The following TRAPPC12 variants were observed in gnomAD, a reference collection of about 807,000 sequenced individuals.
The protein encoded by TRAPPC12 is trafficking protein particle complex subunit 12, also known as TPR repeat protein 15.
TRAPPC12 carries 61 observed loss-of-function variants against 69.2 expected under a neutral mutation model. The ratio of observed to expected loss-of-function variants is 0.88; its 90% confidence interval spans 0.72 to 1.09. The LOEUF (loss-of-function observed/expected upper bound fraction) is 1.09. TRAPPC12 is among the 50% of genes least tolerant of loss of function. The pLI, the probability that TRAPPC12 is intolerant of heterozygous loss-of-function variation, is 0.00. For synonymous variants in TRAPPC12, 469 were observed against 438.9 expected, an observed-to-expected ratio of 1.07 and a Z score of -0.86; for missense variants, 1,101 against 1,016.4, an observed-to-expected ratio of 1.08 and a Z score of -1.13.
chr2:3,464,752 G>A (rs73133019), intron 8 of TRAPPC12, among the ~76,000 whole-genome samples: 2,650 of 152,324 alleles, frequency 0.017, 66 homozygotes, highest in African/African-American at 0.06. Context: ...CTTCCTGCAC[G>A]GAGACCGCGT....
At chr2:3,409,557 C>T (rs68026847) in intron 3 of TRAPPC12, among the ~76,000 whole-genome samples, 10 of 151,664 alleles carry the variant, frequency 6.6e-5, no homozygotes, top group African/African-American at 2.2e-4. Context: ...AAGATCAGCC[C>T]GAGCAATATA....
At chr2:3,454,009 C>T (rs1273162876) in intron 6 of TRAPPC12, among the ~76,000 whole-genome samples, 2 of 152,212 alleles carry the variant, frequency 1.3e-5, no homozygotes, top group Non-Finnish European at 2.9e-5. Flanking sequence ...CATTAAATGA[C>T]ACACCCTACA....
At chr2:3,453,440 G>C (rs1664960316) in intron 6 of TRAPPC12, among the ~76,000 whole-genome samples, 1 of 152,186 alleles carries the variant, frequency 6.6e-6, no homozygotes, top group East Asian at 1.9e-4. Flanking sequence ...CCTGTGGCTG[G>C]TCGCTTACTG....
intron 4 of TRAPPC12, among the ~76,000 whole-genome samples, chr2:3,423,487 C>A (rs1662934479): frequency 6.6e-6 from 1 of 152,106 alleles, no homozygotes; most frequent in African/African-American, 2.4e-5. Context: ...ATCTCTCAAA[C>A]CTCCCCTGCC....
intron 9 of TRAPPC12, among the ~76,000 whole-genome samples, chr2:3,475,726 A>G (rs1666262899): frequency 6.6e-6 from 1 of 152,166 alleles, no homozygotes; most frequent in East Asian, 1.9e-4. Context: ...TGGGCGTTGG[A>G]CAGCCTGGGT....
rs115367661 is a variant in TRAPPC12 at position 3,443,980 on chromosome 2, G to A, written c.1530+89G>A. 5.4e-4 allele frequency: 522 copies of A among 966,238 alleles called. 3 individuals carry two copies. In the African/African-American group the frequency reaches 6.2e-3, roughly 11 times the overall value. The allele number at this position is 966,238 out of a possible 1,614,324, so 59.9% of individuals were successfully genotyped here. On this transcript the variant is annotated intron_variant, in intron 6 of 11. Transcript: ENST00000324266. ...GACATGCCCGTGCTGTTCCCTGCCCGTCCTGCCCCATGCACCATCGCTGCT... is the reference window on the plus strand; with the variant it reads ...GACATGCCCGTGCTGTTCCCTGCCCATCCTGCCCCATGCACCATCGCTGCT...
chr2:3,460,364 A>G (rs201250086), intron 8 of TRAPPC12, 28 bp downstream of exon 8: 13 of 864,560 alleles, frequency 1.5e-5, no homozygotes, highest in Non-Finnish European at 2.4e-5. Context: ...CAGGGCTGCC[A>G]TGTGATCTGG....
chr2:3,423,538 A>T (rs1314279781), intron 4 of TRAPPC12, among the ~76,000 whole-genome samples: 1 of 133,954 alleles, frequency 7.5e-6, no homozygotes, highest in African/African-American at 2.9e-5. Context: ...CCCGCCATCT[A>T]CTCTGCTTCT....
At chr2:3,419,638 T>C (rs1370719332) in intron 3 of TRAPPC12, among the ~76,000 whole-genome samples, 1 of 142,038 alleles carries the variant, frequency 7.0e-6, no homozygotes, top group Admixed American at 6.8e-5. Context: ...GGTGTCCTCA[T>C]TTCCAAAAAA....
At chr2:3,386,711 G>T (rs925139442) in intron 1 of TRAPPC12, among the ~76,000 whole-genome samples, 2 of 152,116 alleles carry the variant, frequency 1.3e-5, no homozygotes, top group Non-Finnish European at 2.9e-5. Flanking sequence ...GGCGTGGGGC[G>T]GGGGTAGGGG....
At chr2:3,408,508 T>A (rs1661856021) in intron 3 of TRAPPC12, among the ~76,000 whole-genome samples, 4 of 152,092 alleles carry the variant, frequency 2.6e-5, no homozygotes, top group Non-Finnish European at 5.9e-5. Context: ...ACGCCTGTAG[T>A]CCCAGCTACT....
In TRAPPC12 at chr2:3,388,365, C is replaced by T. The variant is rs565484699; in HGVS notation, c.742C>T (p.Pro248Ser). 3.8e-6 allele frequency: 6 copies of T among 1,598,390 alleles called. No homozygotes were observed. The Admixed American group carries it at 1.0e-4, about 27-fold the overall frequency. Residue 248 changes from proline to serine, a missense_variant, in exon 2 of 12, where the codon CCG (proline) becomes TCG (serine). Pro to Ser is a moderately conservative substitution (Grantham distance 74). Transcript: ENST00000324266. ...PGAGSPAPAS[P>S]PPLAVPGTEG... ...CGCGGGCTCCCCGGCCCCCGCCAGC[C>T]CGCCTCCCCTCGCTGTGCCCGGGAC...
intron 5 of TRAPPC12, among the ~76,000 whole-genome samples, chr2:3,432,005 C>A (rs900130452): frequency 5.3e-5 from 8 of 152,234 alleles, no homozygotes; most frequent in African/African-American, 1.9e-4. Flanking sequence ...AGCATGTAAA[C>A]TTTCATAGTG....
intron 8 of TRAPPC12, chr2:3,462,855 C>T (rs1294629858): frequency 2.1e-6 from 1 of 465,994 alleles, no homozygotes; most frequent in Admixed American, 2.4e-5. Context: ...GGTGTCCCCA[C>T]AGCTCGCCAG....
chr2:3,419,644 A>C (rs1438025911), intron 3 of TRAPPC12, among the ~76,000 whole-genome samples: 2 of 145,938 alleles, frequency 1.4e-5, no homozygotes, highest in Non-Finnish European at 3.0e-5. Flanking sequence ...CTCATTTCCA[A>C]AAAAAAAAAA....
chr2:3,478,322 A>G lies in TRAPPC12; in HGVS notation c.1878-524A>G, dbSNP rs151199822. Among the ~76,000 whole-genome samples, 243 of 152,354 alleles carry G rather than the reference A, an allele frequency of 1.6e-3. 1 individual carries two copies. Among genetic ancestry groups the G allele is most frequent in the African/African-American group, 5.7e-3 (238 of 41,578 alleles). ...GAAGTCATTTAGGTGAAGTTACTCTATCTCAATTAACAAAAACTAGAGTGG... is the reference window on the plus strand; with the variant it reads ...GAAGTCATTTAGGTGAAGTTACTCTGTCTCAATTAACAAAAACTAGAGTGG... On this transcript the variant is annotated intron_variant, in intron 10 of 11. Transcript: ENST00000324266.
intron 5 of TRAPPC12, among the ~76,000 whole-genome samples, chr2:3,443,332 G>A (rs1023569229): frequency 2.0e-5 from 3 of 152,232 alleles, no homozygotes; most frequent in Admixed American, 1.3e-4. Flanking sequence ...GAGCACTTCC[G>A]GAACCACTGG....
At chr2:3,461,462 C>T (rs1208278747) in intron 8 of TRAPPC12, among the ~76,000 whole-genome samples, 1 of 152,240 alleles carries the variant, frequency 6.6e-6, no homozygotes, top group Non-Finnish European at 1.5e-5. Flanking sequence ...CGGTAGCAAG[C>T]GACCGTGACG....
chr2:3,381,610 G>A (rs565147116), intron 1 of TRAPPC12, among the ~76,000 whole-genome samples: 114 of 152,246 alleles, frequency 7.5e-4, no homozygotes, highest in African/African-American at 2.6e-3. Flanking sequence ...TTTCTATCAC[G>A]TACAAATCAA....
Sources: allele counts gnomAD v4.1 joint callset (sites outside exome capture counted in the v4.1 genomes callset), GRCh38; gene constraint gnomAD v4.1.1; transcripts MANE v1.5; gene names NCBI Gene and HGNC (gene_info 2026-07-23, HGNC 2026-07-21).